The following ACVR1B variants were observed in gnomAD, a reference collection of about 807,000 sequenced individuals.
ACVR1B encodes the protein activin A receptor type 1B, also known as activin receptor type-1B.
A neutral mutation model predicts 55.6 loss-of-function variants in ACVR1B; 15 were observed. The observed-to-expected ratio is 0.27, with a 90% confidence interval of 0.18 to 0.42. ACVR1B has a LOEUF of 0.42. Among genes scored for constraint, ACVR1B ranks in the 10% least tolerant of loss-of-function variants. The pLI is 1.00. For missense variants in ACVR1B, 359 were observed against 670.1 expected, an observed-to-expected ratio of 0.54 and a Z score of 5.13; for synonymous variants, 247 against 254.6, an observed-to-expected ratio of 0.97 and a Z score of 0.28.
At chr12:51,981,569 C>T (rs921710408) in intron 4 of ACVR1B, among the ~76,000 whole-genome samples, 1 of 152,158 alleles carries the variant, frequency 6.6e-6, no homozygotes, top group African/African-American at 2.4e-5. Flanking sequence ...CGGTGGCTCA[C>T]GCATGTAATG....
At chr12:51,951,932 C>T (rs1344283572) in intron 1 of ACVR1B, 98 bp downstream of exon 1, 2 of 707,040 alleles carry the variant, frequency 2.8e-6, no homozygotes, top group Non-Finnish European at 3.9e-6. Flanking sequence ...GCCCCCTCCC[C>T]ACGAGCACAA....
chr12:51,978,762 G>A (rs1399368769), intron 3 of ACVR1B, among the ~76,000 whole-genome samples: 2 of 150,296 alleles, frequency 1.3e-5, no homozygotes, highest in African/African-American at 2.5e-5. Context: ...CCTGGGAGGC[G>A]GAGCTTGCAG....
intron 1 of ACVR1B, among the ~76,000 whole-genome samples, chr12:51,957,869 G>A (rs1159644328): frequency 1.3e-5 from 2 of 152,170 alleles, no homozygotes; most frequent in Non-Finnish European, 2.9e-5. Context: ...ACTCTAGACA[G>A]CACTTCAGCA....
intron 2 of ACVR1B, 32 bp downstream of exon 2, chr12:51,975,536 C>T (rs1941831727): frequency 6.3e-7 from 1 of 1,596,546 alleles, no homozygotes; most frequent in Non-Finnish European, 8.6e-7. Flanking sequence ...GCTAGTGGCT[C>T]AGCTTGGAGA....
At chr12:51,977,248 A>G (rs1420044316) in intron 3 of ACVR1B, among the ~76,000 whole-genome samples, 1 of 152,194 alleles carries the variant, frequency 6.6e-6, no homozygotes, top group Non-Finnish European at 1.5e-5. Context: ...TAGCTCAGCT[A>G]GCTATTAAAT....
chr12:51,958,417 T>A (rs1264022834), intron 1 of ACVR1B, among the ~76,000 whole-genome samples: 1 of 151,710 alleles, frequency 6.6e-6, no homozygotes. Flanking sequence ...CCGAGGTGGG[T>A]GGATCACCTG....
intron 1 of ACVR1B, among the ~76,000 whole-genome samples, chr12:51,961,502 C>T (rs1162911479): frequency 6.6e-6 from 1 of 152,178 alleles, no homozygotes; most frequent in Non-Finnish European, 1.5e-5. Context: ...TATCCTACCA[C>T]CTACCCATTT....
intron 1 of ACVR1B, among the ~76,000 whole-genome samples, chr12:51,958,061 G>A (rs1162874726): frequency 6.6e-6 from 1 of 152,188 alleles, no homozygotes; most frequent in Admixed American, 6.5e-5. Context: ...ACTATTCTGT[G>A]CATGGCTGTC....
intron 5 of ACVR1B, among the ~76,000 whole-genome samples, chr12:51,984,392 T>C (rs536055833): frequency 6.6e-6 from 1 of 152,312 alleles, no homozygotes; most frequent in South Asian, 2.1e-4. Flanking sequence ...CCCTATAATA[T>C]CAATATTCAG....
chr12:51,964,973 G>A lies in ACVR1B; in HGVS notation c.92-10292G>A, dbSNP rs561028001. ...GCAATTCCATATGAATTTTGGGATC[G>A]GCTTTTTCATTTCTGGAAAAAAACA... On this transcript the variant is annotated intron_variant, in intron 1 of 8. Coordinates refer to ENST00000257963, the MANE Select transcript of ACVR1B (RefSeq NM_004302.5). Among the ~76,000 whole-genome samples the A allele has an allele frequency of 2.6e-5, 4 of 150,984 alleles. No individual in the cohort carries two copies. In the South Asian group the frequency reaches 8.4e-4, roughly 32 times the overall value.
chr12:51,990,522 C>T (rs1168872186), intron 7 of ACVR1B, among the ~76,000 whole-genome samples: 1 of 151,768 alleles, frequency 6.6e-6, no homozygotes, highest in Non-Finnish European at 1.5e-5. Flanking sequence ...TGCCATGTTG[C>T]CCAGGCTGGT....
intron 3 of ACVR1B, among the ~76,000 whole-genome samples, chr12:51,979,137 T>C (rs1592255111): frequency 8.5e-6 from 1 of 117,598 alleles, no homozygotes; most frequent in South Asian, 2.8e-4. Context: ...CACTCCAGCC[T>C]GGGCAGCAAG....
At chr12:51,993,870 T>G in intron 8 of ACVR1B, 115 bp from the exon 9 acceptor site, 1 of 1,250,130 alleles carries the variant, frequency 8.0e-7, no homozygotes. Flanking sequence ...CGGGTGGATG[T>G]GGATCTGCCA....
At chr12:51,971,915 A>C (rs143682489) in intron 1 of ACVR1B, among the ~76,000 whole-genome samples, 99 of 152,332 alleles carry the variant, frequency 6.5e-4, no homozygotes, top group Non-Finnish European at 1.3e-3. Context: ...AGGTTAAATG[A>C]CTTGCCCAAA....
intron 1 of ACVR1B, 39 bp downstream of exon 1, chr12:51,951,873 G>C: frequency 2.5e-6 from 3 of 1,209,078 alleles, no homozygotes; most frequent in Non-Finnish European, 2.1e-6. Context: ...GGGATGGAGA[G>C]GGCCCGGCAA....
rs570306543 is a variant in ACVR1B, at chr12:51,960,087, G to C, written c.91+8253G>C. 3.3e-5 allele frequency: 5 copies of C among 152,314 alleles called. No homozygotes were observed. In the South Asian group the frequency reaches 1.0e-3, roughly 32 times the overall value. The allele number at this position is 152,314 out of a possible 1,614,324, so 9.4% of individuals were successfully genotyped here. ...CCTAGCACCAAGCTGAATGCTGAGA[G>C]GGATCCTGAGGAAAGAGTCTGTCCT... is the stretch of plus-strand genomic sequence containing the variant. On this transcript the variant is annotated intron_variant, in intron 1 of 8. Transcript: ENST00000257963.
In ACVR1B at chr12:51,975,259, C is replaced by T. The variant is rs1565616030; in HGVS notation, c.92-6C>T. ...ATGTCAATGTCTGCTCCCCAATTTCCTGCAGCTCTGCTGTGTGCGTGCACC... is the reference window on the plus strand; with the variant it reads ...ATGTCAATGTCTGCTCCCCAATTTCTTGCAGCTCTGCTGTGTGCGTGCACC... On this transcript the variant is annotated splice_region_variant and splice_polypyrimidine_tract_variant and intron_variant, in intron 1 of 8. Transcript: ENST00000257963. 3 of 1,606,328 alleles carry T rather than the reference C, an allele frequency of 1.9e-6. No individual in the cohort carries two copies. The highest frequency in any genetic ancestry group is 2.6e-6 in the Non-Finnish European group (3 of 1,176,160).
chr12:51,978,389 C>A (rs941706792), intron 3 of ACVR1B, among the ~76,000 whole-genome samples: 2 of 152,138 alleles, frequency 1.3e-5, no homozygotes, highest in African/African-American at 4.8e-5. Context: ...ATTCTTCATT[C>A]AGAATATGCA....
chr12:51,956,007 G>C (rs996490505), intron 1 of ACVR1B, among the ~76,000 whole-genome samples: 1 of 152,220 alleles, frequency 6.6e-6, no homozygotes, highest in Admixed American at 6.5e-5. Context: ...TTCTGTCCAT[G>C]TCTGCTCTCT....
Sources: gnomAD v4.1 joint callset for allele counts (sites outside exome capture counted in the v4.1 genomes callset) on GRCh38, gnomAD v4.1.1 for gene constraint, MANE v1.5 for transcripts, NCBI Gene and HGNC (gene_info 2026-07-23, HGNC 2026-07-21) for gene names.